EYA4: variants seen among roughly 807,000 people sequenced by gnomAD.
The protein encoded by EYA4 is EYA transcriptional coactivator and phosphatase 4.
EYA4 carries 31 observed loss-of-function variants against 87.9 expected under a neutral mutation model. The ratio of observed to expected loss-of-function variants is 0.35; its 90% CI spans 0.27 to 0.48. The LOEUF (loss-of-function observed/expected upper bound fraction) is 0.48, where lower values mean the gene tolerates loss of function less well. Ranked by LOEUF, EYA4 falls within the 20% of genes least tolerant of loss-of-function variation. The pLI is 0.99. For missense variants in EYA4, 678 were observed against 761.4 expected, an observed-to-expected ratio of 0.89 and a Z score of 1.29; for synonymous variants, 263 against 270.6, an observed-to-expected ratio of 0.97 and a Z score of 0.28.
chr6:133,249,737 A>C (rs987804453), intron 1 of EYA4, among the ~76,000 whole-genome samples: 9 of 152,172 alleles, frequency 5.9e-5, no homozygotes, highest in Non-Finnish European at 1.2e-4. Context: ...TTCAATACTT[A>C]AGGTGCAAAA....
intron 2 of EYA4, among the ~76,000 whole-genome samples, chr6:133,292,246 A>G (rs1340727756): frequency 6.6e-6 from 1 of 152,222 alleles, no homozygotes; most frequent in Non-Finnish European, 1.5e-5. Flanking sequence ...ATCACTCATG[A>G]TAATTTCAGG....
At chr6:133,323,080 G>A (rs1781220044) in intron 2 of EYA4, among the ~76,000 whole-genome samples, 1 of 151,718 alleles carries the variant, frequency 6.6e-6, no homozygotes, top group Non-Finnish European at 1.5e-5. Flanking sequence ...ATCCGTGTGT[G>A]TGTGTGTGTG....
At chr6:133,245,708 A>G (rs186489470) in intron 1 of EYA4, among the ~76,000 whole-genome samples, 1 of 152,360 alleles carries the variant, frequency 6.6e-6, no homozygotes, top group Non-Finnish European at 1.5e-5. Context: ...GGGACACTGC[A>G]TAGTCATTAA....
intron 14 of EYA4, chr6:133,507,339 G>T (rs1798729986): frequency 6.6e-6 from 1 of 151,294 alleles, no homozygotes; most frequent in African/African-American, 2.4e-5. Context: ...TTTTACAAGT[G>T]TGTGAGAAAG....
chr6:133,357,000 G>A (rs891872422), intron 2 of EYA4, among the ~76,000 whole-genome samples: 1 of 151,674 alleles, frequency 6.6e-6, no homozygotes, highest in Non-Finnish European at 1.5e-5. Context: ...GGCCAGGCGC[G>A]GTGGCTCACG....
At chr6:133,353,880 GCTA>G (rs1311849865) in intron 2 of EYA4, among the ~76,000 whole-genome samples, 1 of 152,118 alleles carries the variant, frequency 6.6e-6, no homozygotes, top group Non-Finnish European at 1.5e-5. Context: ...TACTCAAGAG[GCTA>G]CTGTTTTCGT....
intron 5 of EYA4, among the ~76,000 whole-genome samples, chr6:133,449,298 A>T (rs1793169762): frequency 6.6e-6 from 1 of 152,218 alleles, no homozygotes; most frequent in Non-Finnish European, 1.5e-5. Flanking sequence ...CCTAAAATTT[A>T]AATTTCATAT....
At chr6:133,433,063 T>G (rs1261838667) in intron 3 of EYA4, among the ~76,000 whole-genome samples, 1 of 152,246 alleles carries the variant, frequency 6.6e-6, no homozygotes, top group Non-Finnish European at 1.5e-5. Context: ...TATGTAGATT[T>G]TATCATGAAA....
At chr6:133,251,095 C>T (rs768913335) in intron 1 of EYA4, among the ~76,000 whole-genome samples, 18 of 152,292 alleles carry the variant, frequency 1.2e-4, no homozygotes, top group Middle Eastern at 6.8e-3. Context: ...TGGCCATTTA[C>T]GTTGTGCAGT....
At chr6:133,418,351 T>G (rs11966493) in intron 3 of EYA4, among the ~76,000 whole-genome samples, 7,738 of 152,240 alleles carry the variant, frequency 0.051, 577 homozygotes, top group African/African-American at 0.16. Context: ...TTGGGCTTTG[T>G]TAGGCATAGG....
intron 3 of EYA4, among the ~76,000 whole-genome samples, chr6:133,397,717 G>T (rs1364489229): frequency 6.6e-6 from 1 of 152,192 alleles, no homozygotes; most frequent in Non-Finnish European, 1.5e-5. Flanking sequence ...ACAAAATAAA[G>T]AGGTTTAATG....
At chr6:133,356,748 TGTGTGTGTG>T (rs1176856760) in intron 2 of EYA4, among the ~76,000 whole-genome samples, 1 of 13,602 alleles carries the variant, frequency 7.4e-5, no homozygotes, top group African/African-American at 6.2e-4. Context: ...CATTATTCAG[TGTGTGTGTG>T]TGTGTGTGTG....
intron 19 of EYA4, chr6:133,525,887 C>T: frequency 1.0e-6 from 1 of 985,216 alleles, no homozygotes; most frequent in Non-Finnish European, 1.2e-6. Context: ...TTTGCACCAA[C>T]TTGTCTTAGC....
At chr6:133,489,852 G>A (rs611186) in intron 13 of EYA4, among the ~76,000 whole-genome samples, 124,790 of 152,110 alleles carry the variant, frequency 0.82, 51,717 homozygotes, top group African/African-American at 0.94. Context: ...AAGTACACAG[G>A]AAAACACAGA....
chr6:133,267,717 A>G (rs1190293699), intron 1 of EYA4, among the ~76,000 whole-genome samples: 2 of 152,162 alleles, frequency 1.3e-5, no homozygotes, highest in Non-Finnish European at 2.9e-5. Context: ...TTTGATCATT[A>G]AATTATATTA....
intron 2 of EYA4, among the ~76,000 whole-genome samples, chr6:133,373,821 A>G (rs1043161303): frequency 1.3e-5 from 2 of 152,046 alleles, no homozygotes; most frequent in Non-Finnish European, 2.9e-5. Flanking sequence ...TATAGTATTT[A>G]TGCATAGTAT....
intron 13 of EYA4, among the ~76,000 whole-genome samples, chr6:133,500,694 T>C (rs1009027357): frequency 6.6e-6 from 1 of 152,180 alleles, no homozygotes; most frequent in Admixed American, 6.5e-5. Context: ...CCTGGTTCCG[T>C]GCTCCCTCAC....
intron 2 of EYA4, among the ~76,000 whole-genome samples, chr6:133,375,232 T>C (rs1785586103): frequency 6.6e-6 from 1 of 151,962 alleles, no homozygotes; most frequent in Non-Finnish European, 1.5e-5. Flanking sequence ...ATAAATCATA[T>C]TTACTTGGAT....
chr6:133,461,312 AC>A, intron 7 of EYA4, 132 bp downstream of exon 7: 1 of 727,204 alleles, frequency 1.4e-6, no homozygotes. Context: ...AAATGGAGAC[AC>A]CCACATGTAT....
Sources: allele counts gnomAD v4.1 joint callset (sites outside exome capture counted in the v4.1 genomes callset), GRCh38; gene constraint gnomAD v4.1.1; transcripts MANE v1.5; gene names NCBI Gene and HGNC (gene_info 2026-07-23, HGNC 2026-07-21).